The following ZNF420 variants were observed in gnomAD, a reference collection of about 807,000 sequenced individuals.
ZNF420 encodes zinc finger protein 420.
In ZNF420, 31 loss-of-function variants were observed where a neutral mutation model predicts 44.7. The ratio of observed to expected loss-of-function variants is 0.69; its 90% confidence interval spans 0.52 to 0.94. The LOEUF is 0.94. Ranked by LOEUF, ZNF420 falls within the 40% of genes least tolerant of loss-of-function variation. ZNF420 has a pLI of 0.00. For missense variants in ZNF420, 681 were observed against 827.9 expected (o/e 0.82, Z 2.18); for synonymous variants, 245 against 267.4 (o/e 0.92, Z 0.82).
chr19:37,095,668 G>A (rs1003595667), intron 4 of ZNF420, among the ~76,000 whole-genome samples: 2 of 151,660 alleles, frequency 1.3e-5, no homozygotes, highest in East Asian at 3.9e-4. Flanking sequence ...GCGCAATTTC[G>A]GCTCACTGCA....
At chr19:37,081,154 C>T (rs1968432064) in intron 2 of ZNF420, among the ~76,000 whole-genome samples, 1 of 151,440 alleles carries the variant, frequency 6.6e-6, no homozygotes, top group Non-Finnish European at 1.5e-5. Context: ...GATTTCTTGA[C>T]TTATAGGTTA....
chr19:37,127,175 A>T lies in ZNF420; in HGVS notation c.184A>T (p.Thr62Ser). Residue 62 changes from threonine (T) to serine (S), a missense_variant, in exon 5 of 5, where the codon ACT (threonine) becomes TCT (serine). By Grantham distance (58) the Thr-to-Ser change is moderately conservative. This residue lies in a region of ZNF420 where 350 missense variants were observed against 382.5 expected (regional missense o/e 0.92). Coordinates refer to ENST00000337995, the MANE Select transcript of ZNF420 (RefSeq NM_144689.5). The part of the protein sequence containing the change: ...ASKDLSPEKN[T>S]YETELSQWEM... The stretch of plus-strand genomic sequence containing the variant: ...TAAGGACTTATCTCCAGAAAAGAAC[A>T]CTTATGAAACAGAATTATCCCAATG... 1 of 1,562,944 alleles carries T rather than the reference A, an allele frequency of 6.4e-7. No homozygotes were observed. The highest frequency in any genetic ancestry group is 8.7e-7 in the Non-Finnish European group (1 of 1,154,900).
intron 1 of ZNF420, among the ~76,000 whole-genome samples, chr19:37,032,230 C>G (rs999084518): frequency 2.6e-5 from 4 of 151,884 alleles, no homozygotes; most frequent in Non-Finnish European, 5.9e-5. Context: ...GTCCCAGCTA[C>G]TGGGAGGCTG....
intron 1 of ZNF420, among the ~76,000 whole-genome samples, chr19:37,030,215 G>A (rs1428042934): frequency 2.6e-5 from 4 of 152,192 alleles, no homozygotes; most frequent in Non-Finnish European, 5.9e-5. Flanking sequence ...AGGCTGGAAT[G>A]CAGTGGCGTG....
At chr19:37,126,508 A>T (rs962936686) in intron 4 of ZNF420, among the ~76,000 whole-genome samples, 6 of 152,198 alleles carry the variant, frequency 3.9e-5, no homozygotes, top group African/African-American at 1.4e-4. Flanking sequence ...GCTACTAAAA[A>T]GTATTAAGCA....
At chr19:37,041,545 G>A (rs1162472892) in intron 1 of ZNF420, among the ~76,000 whole-genome samples, 1 of 152,100 alleles carries the variant, frequency 6.6e-6, no homozygotes, top group African/African-American at 2.4e-5. Context: ...CTTAGATTTT[G>A]TAATTGGGAG....
chr19:37,011,673 CGTT>C (rs202068696), intron 1 of ZNF420, among the ~76,000 whole-genome samples: 2,086 of 152,264 alleles, frequency 0.014, 20 homozygotes, highest in African/African-American at 0.024. Flanking sequence ...TTTTCCTTGA[CGTT>C]GTTGGGGAGG....
At chr19:37,014,329 G>T (rs1291070712) in intron 1 of ZNF420, among the ~76,000 whole-genome samples, 1 of 152,096 alleles carries the variant, frequency 6.6e-6, no homozygotes, top group Non-Finnish European at 1.5e-5. Flanking sequence ...CCCTCCCCTG[G>T]GATCTCAGCT....
At chr19:37,062,590 A>G (rs756336219) in intron 1 of ZNF420, among the ~76,000 whole-genome samples, 1 of 152,184 alleles carries the variant, frequency 6.6e-6, no homozygotes, top group South Asian at 2.1e-4. Context: ...ATTTCTGTAT[A>G]TTTCTAATTG....
Position 37,127,536 on chromosome 19 carries a change from TCA to T in ZNF420, c.546_547del (p.Leu184SerfsTer8). ...AAGGCCTTTAGTCGTGATTCACAACTCAGTCTTCATCAGAGACTTCATACTGG... is the reference window on the plus strand; with the variant it reads ...AAGGCCTTTAGTCGTGATTCACAACTGTCTTCATCAGAGACTTCATACTGG... On this transcript the variant is annotated frameshift_variant, in exon 5 of 5. Transcript: ENST00000337995. LOFTEE classifies it high-confidence loss of function. 6.2e-7 allele frequency: 1 copy of T among 1,613,872 alleles called. No individual in the cohort carries two copies. The highest frequency in any genetic ancestry group is 8.5e-7 in the Non-Finnish European group (1 of 1,179,824).
chr19:37,097,085 G>C (rs1908016178), intron 4 of ZNF420, among the ~76,000 whole-genome samples: 1 of 151,916 alleles, frequency 6.6e-6, no homozygotes, highest in Non-Finnish European at 1.5e-5. Context: ...TTTTAGTAGA[G>C]ACAGGGTTTC....
chr19:37,074,136 G>A (rs1968108720), upstream of ZNF420, among the ~76,000 whole-genome samples: 1 of 152,084 alleles, frequency 6.6e-6, no homozygotes, highest in Non-Finnish European at 1.5e-5. Context: ...CAGGTAAAAG[G>A]CTATTTGGGA....
At position 37,094,486 on chromosome 19, in the gene ZNF420, G is replaced by A. The variant is rs1467385969; in HGVS notation, c.136+3365G>A. ...TATAGTTTTTATTGATTGTAATTGTGTCTGAAAATTATATATTTAATGGAC... is the reference window on the plus strand; with the variant it reads ...TATAGTTTTTATTGATTGTAATTGTATCTGAAAATTATATATTTAATGGAC... On this transcript the variant is annotated intron_variant, in intron 4 of 4. Coordinates refer to ENST00000337995, the MANE Select transcript of ZNF420 (RefSeq NM_144689.5). Among the ~76,000 whole-genome samples, 6 of 152,042 alleles carry A rather than the reference G, an allele frequency of 3.9e-5. No individual in the cohort carries two copies. The East Asian group carries it at 1.2e-3, about 29-fold the overall frequency.
chr19:37,012,764 C>CTG (rs759249724), intron 1 of ZNF420, among the ~76,000 whole-genome samples: 3,725 of 132,310 alleles, frequency 0.028, 145 homozygotes, highest in African/African-American at 0.053. Context: ...TGCTATATGT[C>CTG]TCTGTGTGTG....
At chr19:37,039,579 C>A in intron 1 of ZNF420, among the ~76,000 whole-genome samples, 1 of 152,132 alleles carries the variant, frequency 6.6e-6, no homozygotes, top group East Asian at 1.9e-4. Flanking sequence ...TGTTGTTCCA[C>A]TTATAGAGCA....
intron 4 of ZNF420, among the ~76,000 whole-genome samples, chr19:37,123,889 T>C (rs111458326): frequency 0.019 from 2,925 of 152,216 alleles, 77 homozygotes; most frequent in East Asian, 0.05. Context: ...ATTACAGGCA[T>C]GAGCCACTGC....
chr19:37,037,328 T>A (rs1046009332), intron 1 of ZNF420, among the ~76,000 whole-genome samples: 1 of 152,024 alleles, frequency 6.6e-6, no homozygotes, highest in Admixed American at 6.6e-5. Context: ...AGGGCAGGGG[T>A]CCTCTTGCCG....
At chr19:37,069,715 C>T (rs750715740) in intron 1 of ZNF420, among the ~76,000 whole-genome samples, 23 of 151,994 alleles carry the variant, frequency 1.5e-4, no homozygotes, top group Non-Finnish European at 2.5e-4. Flanking sequence ...ATGGCTTTTA[C>T]ACCATCATAA....
chr19:37,051,012 C>A (rs1393366602), intron 1 of ZNF420, among the ~76,000 whole-genome samples: 1 of 152,090 alleles, frequency 6.6e-6, no homozygotes, highest in Non-Finnish European at 1.5e-5. Flanking sequence ...TGTTTATATG[C>A]TGGATTACAT....
Sources: gnomAD v4.1 joint callset for allele counts (sites outside exome capture counted in the v4.1 genomes callset) on GRCh38, gnomAD v4.1.1 for gene constraint, gnomAD v4.1.1 regional missense constraint, MANE v1.5 for transcripts, NCBI Gene and HGNC (gene_info 2026-07-23, HGNC 2026-07-21) for gene names.